The following LARS2 variants were observed in gnomAD, a reference collection of about 807,000 sequenced individuals.
The protein encoded by LARS2 is leucyl-tRNA synthetase 2, mitochondrial.
LARS2 carries 81 observed loss-of-function variants against 116.6 expected under a neutral mutation model. The observed-to-expected ratio is 0.69, with a 90% CI of 0.58 to 0.84. The LOEUF (loss-of-function observed/expected upper bound fraction) is 0.84. Ranked by LOEUF, LARS2 falls within the 40% of genes least tolerant of loss-of-function variation. The probability of loss-of-function intolerance (pLI) is 0.00; values close to 1 mark genes in which losing one functional copy is unlikely to be tolerated. For synonymous variants in LARS2, 396 were observed against 407.2 expected (o/e 0.97, Z 0.33); for missense variants, 968 against 1,114.5 (o/e 0.87, Z 1.87).
intron 6 of LARS2, among the ~76,000 whole-genome samples, chr3:45,423,112 AAGAT>A (rs1391300424): frequency 2.0e-5 from 3 of 152,302 alleles, no homozygotes; most frequent in East Asian, 1.9e-4. Context: ...AATCTGCTAA[AAGAT>A]AGCTTTAAGA....
intron 2 of LARS2, 122 bp from the exon 3 acceptor site, chr3:45,394,311 A>C (rs2125671815): frequency 3.3e-6 from 2 of 612,212 alleles, no homozygotes; most frequent in East Asian, 5.5e-5. Context: ...TTTTCAGGGA[A>C]AGAAATTATT....
intron 6 of LARS2, among the ~76,000 whole-genome samples, chr3:45,445,250 T>C (rs1314400430): frequency 1.3e-5 from 2 of 152,218 alleles, no homozygotes; most frequent in Admixed American, 1.3e-4. Flanking sequence ...CATACTACAA[T>C]GAGCAAAATG....
intron 16 of LARS2, among the ~76,000 whole-genome samples, chr3:45,515,396 C>T (rs891146858): frequency 6.6e-6 from 1 of 152,240 alleles, no homozygotes; most frequent in Non-Finnish European, 1.5e-5. Flanking sequence ...GTTTCTGTAT[C>T]TCTTAGCTCC....
chr3:45,506,599 T>C (rs1008459572), intron 15 of LARS2, among the ~76,000 whole-genome samples: 23 of 152,082 alleles, frequency 1.5e-4, no homozygotes, highest in African/African-American at 5.6e-4. Flanking sequence ...AGTTTAACAT[T>C]TCTGAGCCCC....
intron 20 of LARS2, among the ~76,000 whole-genome samples, chr3:45,528,788 G>A (rs1015483506): frequency 5.3e-5 from 8 of 151,952 alleles, no homozygotes; most frequent in Non-Finnish European, 7.4e-5. Flanking sequence ...ATTGTTAAGC[G>A]AGAGGTCATC....
chr3:45,528,401 C>A (rs989488438), intron 20 of LARS2, among the ~76,000 whole-genome samples: 2 of 152,154 alleles, frequency 1.3e-5, no homozygotes, highest in African/African-American at 4.8e-5. Context: ...TTTGTGTCCA[C>A]TTGTCTGTGT....
At chr3:45,414,334 T>G (rs1698380492) in intron 4 of LARS2, among the ~76,000 whole-genome samples, 1 of 152,224 alleles carries the variant, frequency 6.6e-6, no homozygotes, top group Admixed American at 6.5e-5. Context: ...CACATGTAAC[T>G]GGTACGTATG....
intron 6 of LARS2, among the ~76,000 whole-genome samples, chr3:45,443,719 G>A (rs1698956001): frequency 6.6e-6 from 1 of 152,168 alleles, no homozygotes; most frequent in Admixed American, 6.5e-5. Flanking sequence ...GAACCCGCCA[G>A]TGATTGGAAT....
At chr3:45,543,563 C>T (rs775827337) in intron 21 of LARS2, among the ~76,000 whole-genome samples, 1 of 151,446 alleles carries the variant, frequency 6.6e-6, no homozygotes, top group Non-Finnish European at 1.5e-5. Flanking sequence ...CCTCCACTTA[C>T]AGCAATTCTC....
chr3:45,516,720 T>C (rs1331158985), intron 17 of LARS2, among the ~76,000 whole-genome samples: 1 of 152,184 alleles, frequency 6.6e-6, no homozygotes, highest in Non-Finnish European at 1.5e-5. Context: ...GCAAGGTTTT[T>C]TCTAGAACAG....
intron 10 of LARS2, among the ~76,000 whole-genome samples, chr3:45,480,556 A>C (rs935812412): frequency 2.0e-5 from 3 of 152,136 alleles, no homozygotes; most frequent in Non-Finnish European, 2.9e-5. Flanking sequence ...GTTTCTTCTG[A>C]TTTCACCTTC....
chr3:45,429,267 G>A (rs1436764412), intron 6 of LARS2, among the ~76,000 whole-genome samples: 2 of 152,180 alleles, frequency 1.3e-5, no homozygotes, highest in Admixed American at 6.5e-5. Context: ...CAAAATCAAG[G>A]TGTTGGTAGA....
intron 14 of LARS2, 47 bp downstream of exon 14, chr3:45,496,420 C>T (rs761618537): frequency 2.2e-6 from 3 of 1,371,078 alleles, no homozygotes; most frequent in Middle Eastern, 3.6e-4. Context: ...AGTGTGGCTC[C>T]TCCTAGAAGC....
chr3:45,537,763 C>T (rs182788574), intron 20 of LARS2, among the ~76,000 whole-genome samples: 1 of 152,268 alleles, frequency 6.6e-6, no homozygotes, highest in Non-Finnish European at 1.5e-5. Flanking sequence ...AAGATGGCCA[C>T]CAGGAGAGGA....
At chr3:45,470,873 T>C (rs1342118443) in intron 8 of LARS2, among the ~76,000 whole-genome samples, 3 of 151,766 alleles carry the variant, frequency 2.0e-5, no homozygotes, top group African/African-American at 7.3e-5. Flanking sequence ...CATAGCACTT[T>C]TAAAAAGAAT....
intron 6 of LARS2, among the ~76,000 whole-genome samples, chr3:45,439,244 C>G (rs375732532): frequency 1.1e-5 from 1 of 89,790 alleles, no homozygotes; most frequent in Admixed American, 1.8e-4. Context: ...TTTTTTGAGA[C>G]AGTGTCTCAC....
intron 4 of LARS2, among the ~76,000 whole-genome samples, chr3:45,403,112 CAAAAAAA>C (rs1160287597): frequency 0.084 from 7,155 of 85,442 alleles, 245 homozygotes; most frequent in Middle Eastern, 0.18. Context: ...TCTCCAAAGA[CAAAAAAA>C]AAAAAAAAAA....
chr3:45,513,271 C>T (rs1282757343), intron 16 of LARS2, 36 bp downstream of exon 16: 1 of 1,381,646 alleles, frequency 7.2e-7, no homozygotes, highest in South Asian at 1.2e-5. Context: ...CCAGGTACTC[C>T]CAGAGAGCCA....
intron 15 of LARS2, 134 bp downstream of exon 15, chr3:45,500,713 A>G (rs1700103630): frequency 4.7e-6 from 3 of 643,098 alleles, no homozygotes; most frequent in Admixed American, 7.8e-5. Flanking sequence ...GAGGTTGTCA[A>G]CCTTAATCAT....
Sources: gnomAD v4.1 joint callset for allele counts (sites outside exome capture counted in the v4.1 genomes callset) on GRCh38, gnomAD v4.1.1 for gene constraint, MANE v1.5 for transcripts, NCBI Gene and HGNC (gene_info 2026-07-23, HGNC 2026-07-21) for gene names.